CAPN15: variants seen among roughly 807,000 people sequenced by gnomAD.
CAPN15 encodes calpain-15.
A neutral mutation model predicts 97.9 loss-of-function variants in CAPN15; 53 were observed. The ratio of observed to expected loss-of-function variants is 0.54; its 90% CI spans 0.43 to 0.68. The LOEUF is 0.68. Among genes scored for constraint, CAPN15 ranks in the 30% least tolerant of loss-of-function variants. The pLI, the probability that CAPN15 is intolerant of heterozygous loss-of-function variation, is 0.00. For synonymous variants in CAPN15, 922 were observed against 722.5 expected (o/e 1.28, Z -4.43); for missense variants, 1,592 against 1,589.8 (o/e 1.00, Z -0.02).
rs758481199 is a variant in CAPN15, at chr16:552,138, G to A, written c.2433G>A (p.Ala811=). ...GCTGCTTTCCCAGCTCGGCCAGCGCGCCCGTGGGGGTAACAGCGCTCACGG... is the reference window on the plus strand; with the variant it reads ...GCTGCTTTCCCAGCTCGGCCAGCGCACCCGTGGGGGTAACAGCGCTCACGG... ...VQGCFPSSAS[A]PVGVTALTVL... is the part of the protein sequence containing the mutation. Residue 811 remains alanine (A), a synonymous_variant, in exon 10 of 14, where the codon GCG becomes GCA. Coordinates refer to ENST00000219611, the MANE Select transcript of CAPN15 (RefSeq NM_005632.3). The surrounding 1 kb of genome is among the most constrained non-coding windows in gnomAD (Gnocchi z 6.4). The A allele has an allele frequency of 6.1e-5, 94 of 1,547,440 alleles. No homozygotes were observed. Among genetic ancestry groups the A allele is most frequent in the South Asian group, 7.2e-5 (6 of 83,846 alleles).
At chr16:542,293 T>TTA (rs112425758) in intron 3 of CAPN15, among the ~76,000 whole-genome samples, 16,112 of 152,216 alleles carry the variant, frequency 0.11, 871 homozygotes, top group African/African-American at 0.13. Flanking sequence ...CTTGCATAGA[T>TTA]ACCTAGGAGT....
chr16:541,500 GCTC>G (rs1227314351), intron 3 of CAPN15, among the ~76,000 whole-genome samples: 4 of 152,242 alleles, frequency 2.6e-5, no homozygotes, highest in East Asian at 1.9e-4. Context: ...AAGGGTCTGT[GCTC>G]CTCCTGCGTG....
rs533608619 is a variant in CAPN15 at position 548,423 on chromosome 16, C to T, written c.1449+136C>T. ...ACGTGATGGGGAGGGCAGCACCCTC[C>T]GCCCCGAGGCTCCAAGCTCCCAATG... On this transcript the variant is annotated intron_variant, in intron 4 of 13. Transcript: ENST00000219611. The T allele has an allele frequency of 4.3e-4, 384 of 893,724 alleles. 3 individuals are homozygous for T. In the South Asian group the frequency reaches 5.9e-3, roughly 14 times the overall value. 55.4% of individuals were successfully genotyped at this position (893,724 alleles called of 1,614,324 possible).
chr16:534,457 C>T (rs1420643809), intron 2 of CAPN15, among the ~76,000 whole-genome samples: 1 of 152,170 alleles, frequency 6.6e-6, no homozygotes. Flanking sequence ...CGGTCGGAGT[C>T]CACGTCCTCC....
intron 9 of CAPN15, 151 bp downstream of exon 9, chr16:551,815 C>T: frequency 9.0e-7 from 1 of 1,107,280 alleles, no homozygotes; most frequent in Non-Finnish European, 1.3e-6. Flanking sequence ...TCCAAGGTGC[C>T]AACCTCAGAA....
chr16:547,465 C>A lies in CAPN15; in HGVS notation c.627C>A (p.Ala209=), dbSNP rs34551280. The change falls in exon 4 of 14, where the codon GCC becomes GCA. Residue 209 remains alanine (A), a synonymous_variant. Coordinates refer to ENST00000219611, the MANE Select transcript of CAPN15 (RefSeq NM_005632.3). ...CACCTGGCCTCCCCGGGGAAGGTGC[C>A]GAGGCCAACCCCCCAGCCACCAGCC... ...APPPGLPGEG[A]EANPPATSQG... 1 of 1,594,038 alleles carries A rather than the reference C, an allele frequency of 6.3e-7. No individual in the cohort carries two copies. The highest frequency in any genetic ancestry group is 1.7e-4 in the Middle Eastern group (1 of 6,038).
rs1567159181 is a variant in CAPN15, at chr16:551,677, T to G, written c.2345+13T>G. The G allele has an allele frequency of 1.3e-6, 2 of 1,584,236 alleles. No homozygotes were observed. The highest frequency in any genetic ancestry group is 1.7e-6 in the Non-Finnish European group (2 of 1,167,906). ...GCGACTTTGTCAGGTATCGGCACCG[T>G]GGGGCGGTGTGCACGCCGCCCCCGC... is the stretch of plus-strand genomic sequence containing the variant. On this transcript the variant is annotated intron_variant, in intron 9 of 13. Coordinates refer to ENST00000219611, the MANE Select transcript of CAPN15 (RefSeq NM_005632.3).
chr16:544,608 C>T (rs202136436), intron 3 of CAPN15, among the ~76,000 whole-genome samples: 96 of 152,140 alleles, frequency 6.3e-4, no homozygotes, highest in Admixed American at 5.9e-4. Context: ...CTGGGGCGCG[C>T]GGGTCTTTTG....
rs754664493 is a variant in CAPN15, at chr16:547,426, G to A, written c.588G>A (p.Val196=). The part of the protein sequence containing the change: ...EVVAPAGFHV[V]PAAPPPGLPG... Reference sequence around the variant, plus strand: ...TGGCCCCGGCCGGCTTCCACGTCGTGCCTGCCGCGCCTCCACCTGGCCTCC... The same window carrying A: ...TGGCCCCGGCCGGCTTCCACGTCGTACCTGCCGCGCCTCCACCTGGCCTCC... Residue 196 remains valine, a synonymous_variant, in exon 4 of 14, where the codon GTG becomes GTA. Transcript: ENST00000219611. 6.3e-7 allele frequency: 1 copy of A among 1,577,792 alleles called. No individual in the cohort carries two copies. The highest frequency in any genetic ancestry group is 1.1e-5 in the South Asian group (1 of 88,484).
intron 2 of CAPN15, 118 bp downstream of exon 2, chr16:534,116 C>A: frequency 1.2e-5 from 3 of 247,920 alleles, no homozygotes; most frequent in Non-Finnish European, 1.5e-5. Flanking sequence ...GCCCTTGATT[C>A]ACAGAACCCC....
chr16:552,596 T>C lies in CAPN15; in HGVS notation c.2738-9T>C, dbSNP rs948155388. 17 of 1,543,216 alleles carry C rather than the reference T, an allele frequency of 1.1e-5. No homozygotes were observed. The highest frequency in any genetic ancestry group is 1.2e-5 in the Non-Finnish European group (14 of 1,147,706). The stretch of plus-strand genomic sequence containing the variant: ...GGGAGGGCTGCGGTTCACACGCCCG[T>C]CCTTGTAGCCTCCAGCCCCTCGGCA... On this transcript the variant is annotated splice_polypyrimidine_tract_variant and intron_variant, in intron 11 of 13. Transcript: ENST00000219611. This position sits in a 1 kb window ranked among gnomAD's most constrained non-coding sequence, Gnocchi z 6.4.
At chr16:551,206 C>CGGT in intron 7 of CAPN15, 96 bp from the exon 8 acceptor site, 2 of 1,475,790 alleles carry the variant, frequency 1.4e-6, no homozygotes, top group Non-Finnish European at 1.8e-6. Flanking sequence ...GTGAGGGTCC[C>CGGT]CAGTCGGTGA....
chr16:530,419 G>A (rs1361167250), intron 1 of CAPN15, among the ~76,000 whole-genome samples: 6 of 152,224 alleles, frequency 3.9e-5, no homozygotes, highest in South Asian at 4.1e-4. Flanking sequence ...GGACTCCTGC[G>A]TGCTCCAGGA....
chr16:534,476 G>A lies in CAPN15; in HGVS notation c.-137+478G>A, dbSNP rs185594231. Among the ~76,000 whole-genome samples the A allele has an allele frequency of 2.1e-3, 320 of 152,290 alleles. 2 individuals are homozygous for A. The highest frequency in any genetic ancestry group is 9.9e-3 in the East Asian group (51 of 5,176). The stretch of plus-strand genomic sequence containing the variant: ...CGGAGTCCACGTCCTCCCCCAGGGC[G>A]GGGCCCTGGCCTTGTTTCTTGTAGG... On this transcript the variant is annotated intron_variant, in intron 2 of 13. Transcript: ENST00000219611.
At position 554,468 on chromosome 16, in the gene CAPN15, C is replaced by T; in HGVS notation, c.*952C>T. On this transcript the variant is annotated 3_prime_UTR_variant, in exon 14 of 14. Transcript: ENST00000219611. The stretch of plus-strand genomic sequence containing the variant: ...AGAAACATTCCCACTCCCCTTTGGC[C>T]TCCCTGTACTCTGAGCTGTGAATAT... 1 of 453,666 alleles carries T rather than the reference C, an allele frequency of 2.2e-6. No individual in the cohort carries two copies. The allele number at this position is 453,666 out of a possible 1,614,324, so 28.1% of individuals were successfully genotyped here.
intron 1 of CAPN15, chr16:528,864 C>T (rs1249244205): frequency 2.9e-6 from 2 of 686,100 alleles, no homozygotes; most frequent in African/African-American, 3.9e-5. Context: ...TCTTCCTCTG[C>T]CCAGGTCTGA....
chr16:534,103 G>A lies in CAPN15; in HGVS notation c.-137+105G>A, dbSNP rs569791701. 3.0e-5 allele frequency: 10 copies of A among 331,626 alleles called. No individual in the cohort carries two copies. In the South Asian group the frequency reaches 9.6e-4, roughly 32 times the overall value. The allele number at this position is 331,626 out of a possible 1,614,324, so 20.5% of individuals were successfully genotyped here. The stretch of plus-strand genomic sequence containing the variant: ...AGTGCCCACGGCTGGGGGGCCTCTC[G>A]GAGCCCTTGATTCACAGAACCCCTG... On this transcript the variant is annotated intron_variant, in intron 2 of 13. Transcript: ENST00000219611.
Position 532,429 on chromosome 16 carries a change from C to T in CAPN15, c.-189-1517C>T, listed in dbSNP as rs1158609547. Among the ~76,000 whole-genome samples the T allele has an allele frequency of 4.6e-5, 7 of 151,026 alleles. No individual in the cohort carries two copies. In the East Asian group the frequency reaches 1.2e-3, roughly 25 times the overall value. On this transcript the variant is annotated intron_variant, in intron 1 of 13. Transcript: ENST00000219611. ...AATTAGCTGGGCGTGGTGGTGTGTG[C>T]CTGTAATCCCAGATGTTTGGGAGGC...
At chr16:541,000 C>T (rs1289888567) in intron 3 of CAPN15, among the ~76,000 whole-genome samples, 3 of 152,226 alleles carry the variant, frequency 2.0e-5, no homozygotes, top group Non-Finnish European at 2.9e-5. Flanking sequence ...GGCCTCGGGG[C>T]CAGTGCTGCA....
Sources: allele counts gnomAD v4.1 joint callset (sites outside exome capture counted in the v4.1 genomes callset), GRCh38; gene constraint gnomAD v4.1.1; non-coding constraint Gnocchi (gnomAD v3.1); transcripts MANE v1.5; gene names NCBI Gene and HGNC (gene_info 2026-07-23, HGNC 2026-07-21).